The following FARP2 variants were observed in gnomAD, a reference collection of about 807,000 sequenced individuals.
The protein encoded by FARP2 is FERM, ARHGEF and pleckstrin domain-containing protein 2.
FARP2 carries 111 observed loss-of-function variants against 130.5 expected under a neutral mutation model. That is an observed-to-expected ratio of 0.85 (90% CI 0.73 to 1.00). The LOEUF is 1.00. Among genes scored for constraint, FARP2 ranks in the 50% least tolerant of loss-of-function variants. The pLI is 0.00. For synonymous variants in FARP2, 504 were observed against 516.9 expected, an observed-to-expected ratio of 0.98 and a Z score of 0.34; for missense variants, 1,385 against 1,346.3, an observed-to-expected ratio of 1.03 and a Z score of -0.45.
At position 241,465,921 on chromosome 2, in the gene FARP2, T is replaced by G. The variant is rs1574881515; in HGVS notation, c.1893+1941T>G. ...ACTGCATTCAGCCTAGGTGCCCTTT[T>G]CCTGCCTCGACGGAAGCTGAGTCAG... On this transcript the variant is annotated intron_variant, in intron 17 of 26. Transcript: ENST00000264042. 3 of 1,427,070 alleles carry G rather than the reference T, an allele frequency of 2.1e-6. No homozygotes were observed. In the East Asian group the frequency reaches 7.6e-5, roughly 36 times the overall value. The allele number at this position is 1,427,070 out of a possible 1,614,324, so 88.4% of individuals were successfully genotyped here. A position where few individuals can be genotyped will look rare whatever the true frequency, so the allele number is the denominator to read the frequency against.
intron 2 of FARP2, among the ~76,000 whole-genome samples, chr2:241,398,552 G>C (rs867401431): frequency 6.6e-6 from 1 of 151,416 alleles, no homozygotes; most frequent in Admixed American, 6.6e-5. Flanking sequence ...GCTCCTATGA[G>C]TAAAGCTTCT....
chr2:241,429,259 GTTTAC>G (rs2063033553), intron 8 of FARP2, among the ~76,000 whole-genome samples: 1 of 151,092 alleles, frequency 6.6e-6, no homozygotes, highest in Non-Finnish European at 1.5e-5. Context: ...TCTCAGTGTT[GTTTAC>G]TACAGAAGGT....
At chr2:241,373,906 A>G (rs915129265) in intron 2 of FARP2, among the ~76,000 whole-genome samples, 3 of 152,260 alleles carry the variant, frequency 2.0e-5, no homozygotes, top group African/African-American at 7.2e-5. Flanking sequence ...ATATGCATAT[A>G]TCAATATTTA....
intron 4 of FARP2, among the ~76,000 whole-genome samples, chr2:241,406,551 G>GTCT (rs1385503466): frequency 6.6e-6 from 1 of 151,384 alleles, no homozygotes; most frequent in Non-Finnish European, 1.5e-5. Flanking sequence ...GGCTCCACCA[G>GTCT]TCCTCCCACC....
Position 241,484,331 on chromosome 2 carries a change from G to A in FARP2, c.2421G>A (p.Leu807=). 1 of 1,613,678 alleles carries A rather than the reference G, an allele frequency of 6.2e-7. No individual in the cohort carries two copies. The highest frequency in any genetic ancestry group is 8.5e-7 in the Non-Finnish European group (1 of 1,179,592). ...IRGLLPLQGM[L]VEESDNEWSV... ...GCCTCCTTCCCCTCCAAGGCATGCT[G>A]GTGAGTGGTCTTGCACCCTGCCTGG... Residue 807 remains leucine, a splice_region_variant and synonymous_variant, in exon 21 of 27, where the codon CTG becomes CTA. Coordinates refer to ENST00000264042, the MANE Select transcript of FARP2 (RefSeq NM_014808.4).
chr2:241,493,225 A>G (rs2064994839), intron 25 of FARP2, 68 bp from the exon 26 acceptor site: 1 of 1,523,770 alleles, frequency 6.6e-7, no homozygotes, highest in Non-Finnish European at 9.1e-7. Flanking sequence ...TTGTGCAGGT[A>G]GCAGAGGAAT....
At chr2:241,420,921 A>T (rs2062789717) in intron 8 of FARP2, among the ~76,000 whole-genome samples, 1 of 152,192 alleles carries the variant, frequency 6.6e-6, no homozygotes, top group African/African-American at 2.4e-5. Flanking sequence ...GGTTCACACC[A>T]CTCACGAAGA....
rs545011405 is a variant in FARP2, at chr2:241,481,811, A to G, written c.2263-1654A>G. 7.9e-5 allele frequency among the ~76,000 whole-genome samples: 12 copies of G among 152,300 alleles called. No homozygotes were observed. In the South Asian group the frequency reaches 2.5e-3, roughly 32 times the overall value. ...AGGCAAAGGTGTAGGCTCTTGAGCC[A>G]TGCATCAAACTCAGGCTCTCCACAC... On this transcript the variant is annotated intron_variant, in intron 19 of 26. Coordinates refer to ENST00000264042, the MANE Select transcript of FARP2 (RefSeq NM_014808.4).
At chr2:241,426,891 AC>A (rs1322766465) in intron 8 of FARP2, among the ~76,000 whole-genome samples, 5 of 152,104 alleles carry the variant, frequency 3.3e-5, no homozygotes, top group African/African-American at 1.2e-4. Context: ...GGTGGTCAAG[AC>A]CCTGGGATAT....
At chr2:241,453,578 T>C (rs184341990) in intron 13 of FARP2, among the ~76,000 whole-genome samples, 17 of 151,184 alleles carry the variant, frequency 1.1e-4, no homozygotes, top group East Asian at 7.9e-4. Context: ...GCCGAGATCG[T>C]GTCACTGCAC....
At chr2:241,446,715 A>G (rs2063522420) in intron 13 of FARP2, 1 of 152,224 alleles carries the variant, frequency 6.6e-6, no homozygotes, top group Non-Finnish European at 1.5e-5. Context: ...TTGGGGACTT[A>G]GAGTTGAAAA....
chr2:241,471,929 A>ACCC (rs2064326342), intron 18 of FARP2, among the ~76,000 whole-genome samples: 3 of 150,132 alleles, frequency 2.0e-5, no homozygotes, highest in African/African-American at 2.5e-5. Context: ...TTCTGAGGGG[A>ACCC]TTATGTTCTG....
chr2:241,384,956 A>G (rs2061750388), intron 2 of FARP2, among the ~76,000 whole-genome samples: 2 of 152,242 alleles, frequency 1.3e-5, no homozygotes, highest in African/African-American at 4.8e-5. Context: ...ATAGAAAATA[A>G]TAGAAACATG....
intron 18 of FARP2, among the ~76,000 whole-genome samples, chr2:241,471,006 C>G (rs6737152): frequency 0.26 from 39,533 of 150,194 alleles, 5,662 homozygotes; most frequent in Admixed American, 0.38. Context: ...CTACCCTGAG[C>G]GGATCTCGTT....
intron 8 of FARP2, among the ~76,000 whole-genome samples, chr2:241,427,797 A>G (rs1362880378): frequency 2.0e-5 from 3 of 151,036 alleles, no homozygotes; most frequent in Admixed American, 6.6e-5. Flanking sequence ...ATGGAGTCTC[A>G]CTCTGTCGCC....
At chr2:241,391,826 C>A (rs2061912644) in intron 2 of FARP2, among the ~76,000 whole-genome samples, 1 of 152,096 alleles carries the variant, frequency 6.6e-6, no homozygotes, top group Non-Finnish European at 1.5e-5. Flanking sequence ...GCTGTACAGT[C>A]GTTTTCCAGA....
Position 241,474,317 on chromosome 2 carries a change from C to CAA in FARP2, c.2132-1508_2132-1507dup, listed in dbSNP as rs56128645. Among the ~76,000 whole-genome samples the CAA allele has an allele frequency of 8.7e-3, 408 of 46,692 alleles. 18 individuals carry two copies. Among genetic ancestry groups the CAA allele is most frequent in the African/African-American group, 9.7e-3 (110 of 11,358 alleles). The allele number at this position is 46,692 out of a possible 152,430, so 30.6% of individuals were successfully genotyped here. On this transcript the variant is annotated intron_variant, in intron 18 of 26. Transcript: ENST00000264042. ...CAGAGCGCAGAGCGAGATTCCGTCT[C>CAA]AAAAAAAAAAAAAAAAAAAAAAAAA... is the stretch of plus-strand genomic sequence containing the variant.
At chr2:241,442,740 T>A (rs911033241) in intron 13 of FARP2, 1 of 331,464 alleles carries the variant, frequency 3.0e-6, no homozygotes, top group Non-Finnish European at 5.9e-6. Flanking sequence ...GCCTCCGGTC[T>A]TAGACCTGAG....
intron 13 of FARP2, among the ~76,000 whole-genome samples, chr2:241,452,670 G>A (rs1166144816): frequency 6.6e-6 from 1 of 151,862 alleles, no homozygotes; most frequent in Non-Finnish European, 1.5e-5. Context: ...TCTGGGCACA[G>A]TGGCTCACAT....
Sources: gnomAD v4.1 joint callset for allele counts (sites outside exome capture counted in the v4.1 genomes callset) on GRCh38, gnomAD v4.1.1 for gene constraint, MANE v1.5 for transcripts, NCBI Gene and HGNC (gene_info 2026-07-23, HGNC 2026-07-21) for gene names.